SV2B: variants seen among roughly 807,000 people sequenced by gnomAD.
The protein encoded by SV2B is solute carrier family 22 member B2.
A neutral mutation model predicts 73.9 loss-of-function variants in SV2B; 41 were observed. The ratio of observed to expected loss-of-function variants is 0.56; its 90% CI spans 0.43 to 0.72. The LOEUF (loss-of-function observed/expected upper bound fraction) is 0.72, where lower values mean the gene tolerates loss of function less well. Among genes scored for constraint, SV2B ranks in the 30% least tolerant of loss-of-function variants. SV2B has a pLI of 0.00. For missense variants in SV2B, 764 were observed against 857.8 expected (o/e 0.89, Z 1.37); for synonymous variants, 314 against 314.2 (o/e 1.00, Z 0.01).
In SV2B at chr15:91,236,894, C is replaced by T. The variant is rs919412722; in HGVS notation, c.451+10180C>T. 2.6e-5 allele frequency among the ~76,000 whole-genome samples: 4 copies of T among 151,966 alleles called. No individual in the cohort carries two copies. The highest frequency in any genetic ancestry group is 2.1e-4 in the South Asian group (1 of 4,810). On this transcript the variant is annotated intron_variant, in intron 2 of 12. Coordinates refer to ENST00000394232, the MANE Select transcript of SV2B (RefSeq NM_001323032.3). This position sits in a 1 kb window ranked among gnomAD's most constrained non-coding sequence, Gnocchi z 4.1. ...TTGAGCATCTCTCTCTATCTCCATA[C>T]GATCTTTAAATGTGATCTTTCCAAC...
At chr15:91,262,596 G>T (rs2047948514) in intron 6 of SV2B, among the ~76,000 whole-genome samples, 2 of 151,976 alleles carry the variant, frequency 1.3e-5, no homozygotes, top group African/African-American at 4.8e-5. Flanking sequence ...TATCTCTTCT[G>T]CCCCCTTCCT....
intron 1 of SV2B, among the ~76,000 whole-genome samples, chr15:91,112,355 T>C (rs2042060787): frequency 6.6e-6 from 1 of 152,186 alleles, no homozygotes; most frequent in Admixed American, 6.5e-5. Flanking sequence ...TCAGCCACGA[T>C]GTGTGGCCGG....
chr15:91,182,525 A>G (rs1436635094), intron 1 of SV2B, among the ~76,000 whole-genome samples: 1 of 152,228 alleles, frequency 6.6e-6, no homozygotes, highest in African/African-American at 2.4e-5. Context: ...TACTTAGGGC[A>G]AGTTCCTGAG....
rs2047063386 is a variant in SV2B, at chr15:91,242,605, G to A, written c.452-9214G>A. Among the ~76,000 whole-genome samples, 1 of 152,196 alleles carries A rather than the reference G, an allele frequency of 6.6e-6. No individual in the cohort carries two copies. Among genetic ancestry groups the A allele is most frequent in the Non-Finnish European group, 1.5e-5 (1 of 68,024 alleles). The stretch of plus-strand genomic sequence containing the variant: ...TGAACAAAGAACATTCTAGATAGAG[G>A]AAAGAGCAGTGTGAAGACTCTGAGG... On this transcript the variant is annotated intron_variant, in intron 2 of 12. Transcript: ENST00000394232. The surrounding 1 kb of genome is among the most constrained non-coding windows in gnomAD (Gnocchi z 4.9).
intron 1 of SV2B, among the ~76,000 whole-genome samples, chr15:91,168,905 C>A (rs1001886358): frequency 6.6e-6 from 1 of 152,138 alleles, no homozygotes; most frequent in African/African-American, 2.4e-5. Flanking sequence ...GGCAAGGATG[C>A]AGCTTTTGAT....
chr15:91,283,054 A>T lies in SV2B; in HGVS notation c.1508-967A>T, dbSNP rs1212928397. On this transcript the variant is annotated intron_variant, in intron 10 of 12. Transcript: ENST00000394232. The surrounding 1 kb of genome is among the most constrained non-coding windows in gnomAD (Gnocchi z 4.3). ...GCTGGGAGAAGCAGTGGAGATGATC[A>T]TGTGCACTCTTCCAATTTTGTAGAT... Among the ~76,000 whole-genome samples, 4 of 152,218 alleles carry T rather than the reference A, an allele frequency of 2.6e-5. No homozygotes were observed. The highest frequency in any genetic ancestry group is 4.4e-5 in the Non-Finnish European group (3 of 68,036).
At position 91,207,195 on chromosome 15, in the gene SV2B, T is replaced by C. The variant is rs537475923; in HGVS notation, c.-391-18678T>C. Among the ~76,000 whole-genome samples the C allele has an allele frequency of 9.2e-5, 14 of 151,362 alleles. No individual in the cohort carries two copies. In the South Asian group the frequency reaches 2.3e-3, roughly 25 times the overall value. On this transcript the variant is annotated intron_variant, in intron 1 of 12. Coordinates refer to ENST00000394232, the MANE Select transcript of SV2B (RefSeq NM_001323032.3). ...CGCCATTATGCCTGGCTTTTTTTTT[T>C]TTTTTTTTTGAGAGACGGGGTCTCA...
At chr15:91,201,231 A>G (rs2045449124) in intron 1 of SV2B, among the ~76,000 whole-genome samples, 1 of 152,116 alleles carries the variant, frequency 6.6e-6, no homozygotes, top group East Asian at 1.9e-4. Flanking sequence ...TCTTTGTACT[A>G]TGTACAAATC....
chr15:91,292,705 G>C lies in SV2B; in HGVS notation c.*153G>C, dbSNP rs1048732279. ...CCCTAGTTTAGGACCCACTTCAGCT[G>C]TCAATATGTTTGTAACTCAGGTGAC... On this transcript the variant is annotated 3_prime_UTR_variant, in exon 13 of 13. Coordinates refer to ENST00000394232, the MANE Select transcript of SV2B (RefSeq NM_001323032.3). The C allele has an allele frequency of 2.2e-6, 2 of 917,434 alleles. No homozygotes were observed. The highest frequency in any genetic ancestry group is 5.6e-5 in the East Asian group (2 of 35,994). The allele number at this position is 917,434 out of a possible 1,614,324, so 56.8% of individuals were successfully genotyped here.
At chr15:91,188,074 C>A (rs1187626193) in intron 1 of SV2B, among the ~76,000 whole-genome samples, 1 of 151,706 alleles carries the variant, frequency 6.6e-6, no homozygotes, top group South Asian at 2.1e-4. Flanking sequence ...AATTATTTTT[C>A]TTTTATTTTA....
At position 91,226,891 on chromosome 15, in the gene SV2B, T is replaced by C. The variant is rs576628414; in HGVS notation, c.451+177T>C. Reference sequence around the variant, plus strand: ...TTAAGTTTGCACAGCTAATAAGTATTGGAGCTTAGGTTTCTATTGAGGTCT... The same window carrying C: ...TTAAGTTTGCACAGCTAATAAGTATCGGAGCTTAGGTTTCTATTGAGGTCT... On this transcript the variant is annotated intron_variant, in intron 2 of 12. Transcript: ENST00000394232. 2.6e-5 allele frequency among the ~76,000 whole-genome samples: 4 copies of C among 152,298 alleles called. No homozygotes were observed. In the South Asian group the frequency reaches 8.3e-4, roughly 32 times the overall value.
rs183776437 is a variant in SV2B, at chr15:91,187,080, C to T, written c.-391-38793C>T. 8.4e-4 allele frequency among the ~76,000 whole-genome samples: 128 copies of T among 152,216 alleles called. 1 individual carries two copies. Among genetic ancestry groups the T allele is most frequent in the African/African-American group, 2.9e-3 (121 of 41,526 alleles). On this transcript the variant is annotated intron_variant, in intron 1 of 12. Transcript: ENST00000394232. ...GAAAAGTCCTGAGTCATGCACAAGG[C>T]GTACTTTTAAGAAAAACCGGCAGGC...
chr15:91,292,487 T>A lies in SV2B; in HGVS notation c.1987T>A (p.Ser663Thr). The change falls in exon 13 of 13, where the codon TCT (serine) becomes ACT (threonine). Residue 663 changes from serine to threonine, a missense_variant. Ser to Thr is a moderately conservative substitution (Grantham distance 58). Coordinates refer to ENST00000394232, the MANE Select transcript of SV2B (RefSeq NM_001323032.3). Reference sequence around the variant, plus strand: ...GGTCCCCATCCTTCTGGCTGCTGCTTCTCTGGTTGGGGGTGGCCTGATTGC... The same window carrying A: ...GGTCCCCATCCTTCTGGCTGCTGCTACTCTGGTTGGGGGTGGCCTGATTGC... ...KVVPILLAAA[S>T]LVGGGLIALR... 6.2e-7 allele frequency: 1 copy of A among 1,614,216 alleles called. No individual in the cohort carries two copies. Among genetic ancestry groups the A allele is most frequent in the Non-Finnish European group, 8.5e-7 (1 of 1,180,028 alleles).
intron 1 of SV2B, among the ~76,000 whole-genome samples, chr15:91,109,168 C>A (rs981194094): frequency 3.9e-5 from 6 of 152,216 alleles, no homozygotes; most frequent in African/African-American, 1.4e-4. Context: ...AAATGACAGA[C>A]AAAAGTACCC....
rs1052906484 is a variant in SV2B at position 91,242,663 on chromosome 15, G to T, written c.452-9156G>T. Among the ~76,000 whole-genome samples, 3 of 152,150 alleles carry T rather than the reference G, an allele frequency of 2.0e-5. No homozygotes were observed. Among genetic ancestry groups the T allele is most frequent in the East Asian group, 1.9e-4 (1 of 5,196 alleles). ...GAGCATAGGACATCAGTATCCAGGG[G>T]TTGCTTAATACTTGATAAAAGGGTG... On this transcript the variant is annotated intron_variant, in intron 2 of 12. Transcript: ENST00000394232. The surrounding 1 kb of genome is among the most constrained non-coding windows in gnomAD (Gnocchi z 4.9).
intron 2 of SV2B, among the ~76,000 whole-genome samples, chr15:91,249,068 TCACACA>T (rs59552488): frequency 0.13 from 18,472 of 141,884 alleles, 1,805 homozygotes; most frequent in African/African-American, 0.3. Flanking sequence ...ATCTACGTTT[TCACACA>T]CACACACACA....
intron 2 of SV2B, 113 bp downstream of exon 2, chr15:91,226,827 G>A (rs937745177): frequency 2.7e-5 from 36 of 1,315,996 alleles, no homozygotes; most frequent in Non-Finnish European, 3.6e-5. Context: ...CCATTTTGCT[G>A]TGAAGGAATT....
chr15:91,254,886 C>T (rs1372660183), intron 4 of SV2B, among the ~76,000 whole-genome samples: 2 of 152,166 alleles, frequency 1.3e-5, no homozygotes, highest in East Asian at 1.9e-4. Flanking sequence ...GGGGAAAGCC[C>T]GCCCTCACAC....
At position 91,265,961 on chromosome 15, in the gene SV2B, T is replaced by C. The variant is rs1160266346; in HGVS notation, c.1009-621T>C. On this transcript the variant is annotated intron_variant, in intron 6 of 12. Transcript: ENST00000394232. The surrounding 1 kb of genome is among the most constrained non-coding windows in gnomAD (Gnocchi z 4.2). ...ATGGAGACCATCCTGGCCAACATGG[T>C]GAAACCCTGTCTCTATTAAAAAATA... 6.6e-6 allele frequency among the ~76,000 whole-genome samples: 1 copy of C among 152,146 alleles called. No homozygotes were observed. The highest frequency in any genetic ancestry group is 2.4e-5 in the African/African-American group (1 of 41,422).
Sources: gnomAD v4.1 joint callset for allele counts (sites outside exome capture counted in the v4.1 genomes callset) on GRCh38, gnomAD v4.1.1 for gene constraint, Gnocchi (gnomAD v3.1) non-coding constraint, MANE v1.5 for transcripts, NCBI Gene and HGNC (gene_info 2026-07-23, HGNC 2026-07-21) for gene names.